ZBTB7C: variants seen among roughly 807,000 people sequenced by gnomAD.
The protein encoded by ZBTB7C is zinc finger and BTB domain containing 7C.
A neutral mutation model predicts 25.7 loss-of-function variants in ZBTB7C; 8 were observed. The observed-to-expected ratio is 0.31, with a 90% CI of 0.18 to 0.56. ZBTB7C has a LOEUF of 0.56. Ranked by LOEUF, ZBTB7C falls within the 20% of genes least tolerant of loss-of-function variation. ZBTB7C has a pLI of 0.91. For synonymous variants in ZBTB7C, 394 were observed against 369.0 expected, an observed-to-expected ratio of 1.07 and a Z score of -0.78; for missense variants, 824 against 855.2, an observed-to-expected ratio of 0.96 and a Z score of 0.46.
chr18:48,123,807 C>T (rs985575544), intron 3 of ZBTB7C, among the ~76,000 whole-genome samples: 1 of 152,134 alleles, frequency 6.6e-6, no homozygotes, highest in Admixed American at 6.5e-5. Context: ...AAAGAGCTCT[C>T]CTTAGAAATG....
chr18:48,230,179 C>A (rs935057680), intron 2 of ZBTB7C, among the ~76,000 whole-genome samples: 4 of 152,224 alleles, frequency 2.6e-5, no homozygotes, highest in African/African-American at 9.6e-5. Context: ...TTCTTACAGG[C>A]TCATCAAACA....
intron 1 of ZBTB7C, among the ~76,000 whole-genome samples, chr18:48,377,457 G>A (rs1195276648): frequency 6.6e-6 from 1 of 152,182 alleles, no homozygotes; most frequent in Non-Finnish European, 1.5e-5. Context: ...ATTTGAACTG[G>A]TCCTAAAGGA....
At chr18:48,390,663 C>T (rs1478681681) in intron 1 of ZBTB7C, among the ~76,000 whole-genome samples, 2 of 152,208 alleles carry the variant, frequency 1.3e-5, no homozygotes, top group African/African-American at 4.8e-5. Flanking sequence ...ACTTCTGAGC[C>T]TCCACTTCCC....
intron 2 of ZBTB7C, among the ~76,000 whole-genome samples, chr18:48,288,086 A>C (rs2045110579): frequency 6.6e-6 from 1 of 152,248 alleles, no homozygotes; most frequent in African/African-American, 2.4e-5. Context: ...AAAGAACATA[A>C]AAATTGGAAA....
chr18:48,389,243 G>C (rs1277085354), intron 1 of ZBTB7C, among the ~76,000 whole-genome samples: 200 of 81,454 alleles, frequency 2.5e-3, no homozygotes, highest in East Asian at 4.3e-3. Context: ...TCTCGTGTGT[G>C]TGTGTGTGTG....
chr18:48,227,208 G>A (rs1053377481), intron 2 of ZBTB7C, among the ~76,000 whole-genome samples: 1 of 152,164 alleles, frequency 6.6e-6, no homozygotes, highest in Admixed American at 6.5e-5. Context: ...GAACTGAAAG[G>A]CCACTGTATT....
intron 2 of ZBTB7C, among the ~76,000 whole-genome samples, chr18:48,219,261 C>T (rs2042896381): frequency 6.6e-6 from 1 of 152,152 alleles, no homozygotes; most frequent in Non-Finnish European, 1.5e-5. Flanking sequence ...ACTGCATATG[C>T]TGCCGGCCCC....
intron 2 of ZBTB7C, among the ~76,000 whole-genome samples, chr18:48,237,290 A>G (rs953071500): frequency 6.6e-6 from 1 of 152,166 alleles, no homozygotes; most frequent in Non-Finnish European, 1.5e-5. Flanking sequence ...TAAGCAAATT[A>G]CAAGTAAGGG....
At chr18:48,070,596 C>G (rs971701680) in intron 3 of ZBTB7C, among the ~76,000 whole-genome samples, 2 of 152,176 alleles carry the variant, frequency 1.3e-5, no homozygotes, top group Non-Finnish European at 2.9e-5. Context: ...GGAAATCCCC[C>G]ATCTGAAACA....
chr18:48,126,498 A>G (rs2039804614), intron 3 of ZBTB7C, among the ~76,000 whole-genome samples: 1 of 152,164 alleles, frequency 6.6e-6, no homozygotes, highest in African/African-American at 2.4e-5. Flanking sequence ...TGACTTCCAC[A>G]GTGTGTTGCT....
intron 3 of ZBTB7C, among the ~76,000 whole-genome samples, chr18:48,108,301 G>A (rs938263043): frequency 2.0e-5 from 3 of 152,258 alleles, no homozygotes; most frequent in African/African-American, 7.2e-5. Flanking sequence ...AATGAGCTTC[G>A]GCAAGTTAAA....
chr18:48,335,569 G>T (rs533499735), intron 2 of ZBTB7C, among the ~76,000 whole-genome samples: 1 of 152,108 alleles, frequency 6.6e-6, no homozygotes, highest in Admixed American at 6.5e-5. Context: ...CCAGGGATTC[G>T]TTATAGACAT....
intron 2 of ZBTB7C, among the ~76,000 whole-genome samples, chr18:48,199,187 T>G (rs1007939276): frequency 6.6e-6 from 1 of 152,238 alleles, no homozygotes; most frequent in African/African-American, 2.4e-5. Context: ...TATTCTGAAA[T>G]TCCACAATGA....
intron 3 of ZBTB7C, among the ~76,000 whole-genome samples, chr18:48,049,356 G>A (rs146909615): frequency 7.6e-4 from 116 of 152,318 alleles, no homozygotes; most frequent in African/African-American, 2.7e-3. Context: ...AGTGGAATGA[G>A]TCAGCCTGAG....
In ZBTB7C at chr18:48,345,188, T is replaced by C. The variant is rs1027584212; in HGVS notation, c.-303-6790A>G. Among the ~76,000 whole-genome samples, 8 of 152,244 alleles carry C rather than the reference T, an allele frequency of 5.3e-5. No homozygotes were observed. The South Asian group carries it at 1.7e-3, about 32-fold the overall frequency. ...TTGGTAACCCCGAGCTTACAGTTATTAAGGGTAAAAATAGGAAGTCTGTGG... is the reference window on the plus strand; with the variant it reads ...TTGGTAACCCCGAGCTTACAGTTATCAAGGGTAAAAATAGGAAGTCTGTGG... On this transcript the variant is annotated intron_variant, in intron 1 of 4. Coordinates refer to ENST00000590800, the MANE Select transcript of ZBTB7C (RefSeq NM_001318841.2).
At chr18:48,398,024 C>T (rs1424849007) in intron 1 of ZBTB7C, among the ~76,000 whole-genome samples, 3 of 152,204 alleles carry the variant, frequency 2.0e-5, no homozygotes, top group African/African-American at 7.2e-5. Context: ...CAGCTTGTCA[C>T]CTTCAAGCCT....
intron 3 of ZBTB7C, among the ~76,000 whole-genome samples, chr18:48,145,643 G>T (rs1004712365): frequency 5.9e-5 from 9 of 152,222 alleles, no homozygotes; most frequent in Admixed American, 1.3e-4. Flanking sequence ...AGCCAATGAT[G>T]ATATAGATAT....
At chr18:48,249,913 G>A (rs927676497) in intron 2 of ZBTB7C, among the ~76,000 whole-genome samples, 6 of 152,224 alleles carry the variant, frequency 3.9e-5, no homozygotes, top group African/African-American at 7.2e-5. Context: ...AGGCTAGAGC[G>A]AAAATGACCC....
At chr18:48,170,474 G>A (rs2041433897) in intron 3 of ZBTB7C, among the ~76,000 whole-genome samples, 1 of 152,202 alleles carries the variant, frequency 6.6e-6, no homozygotes, top group Non-Finnish European at 1.5e-5. Flanking sequence ...GAGGCAGAGA[G>A]GCATCATGAA....
Sources: gnomAD v4.1 joint callset for allele counts (sites outside exome capture counted in the v4.1 genomes callset) on GRCh38, gnomAD v4.1.1 for gene constraint, MANE v1.5 for transcripts, NCBI Gene and HGNC (gene_info 2026-07-23, HGNC 2026-07-21) for gene names.